Variants in SETBP1 observed in about 807,000 individuals in gnomAD.
SETBP1 encodes SET-binding protein.
A neutral mutation model predicts 101.0 loss-of-function variants in SETBP1; 9 were observed. The ratio of observed to expected loss-of-function variants is 0.09; its 90% CI spans 0.05 to 0.16. The LOEUF (loss-of-function observed/expected upper bound fraction) is 0.16, where lower values mean the gene tolerates loss of function less well. SETBP1 is among the 10% of genes least tolerant of loss of function. The pLI is 1.00. For synonymous variants in SETBP1, 818 were observed against 788.5 expected (o/e 1.04, Z -0.63); for missense variants, 1,858 against 2,033.8 (o/e 0.91, Z 1.66).
intron 2 of SETBP1, among the ~76,000 whole-genome samples, chr18:44,837,893 T>C (rs1241048660): frequency 6.6e-6 from 1 of 152,164 alleles, no homozygotes; most frequent in African/African-American, 2.4e-5. Flanking sequence ...TACAGAGACA[T>C]ATGCAAACAC....
intron 2 of SETBP1, among the ~76,000 whole-genome samples, chr18:44,824,604 G>T (rs533810533): frequency 6.6e-6 from 1 of 152,134 alleles, no homozygotes; most frequent in South Asian, 2.1e-4. Flanking sequence ...ACTGCCAGAG[G>T]TGTGTATCTT....
At chr18:45,049,229 AT>A (rs2073680662) in intron 5 of SETBP1, among the ~76,000 whole-genome samples, 1 of 152,192 alleles carries the variant, frequency 6.6e-6, no homozygotes, top group Non-Finnish European at 1.5e-5. Context: ...ACTTCTAAAG[AT>A]AAACTGAATT....
At chr18:45,029,327 T>G (rs545577298) in intron 4 of SETBP1, among the ~76,000 whole-genome samples, 5 of 152,000 alleles carry the variant, frequency 3.3e-5, no homozygotes, top group Non-Finnish European at 5.9e-5. Flanking sequence ...GTTGTAGATA[T>G]GCGGCATTAT....
intron 3 of SETBP1, among the ~76,000 whole-genome samples, chr18:44,909,254 A>T (rs985907171): frequency 6.6e-6 from 1 of 152,204 alleles, no homozygotes; most frequent in Non-Finnish European, 1.5e-5. Flanking sequence ...TTGTCTTCAG[A>T]GGCTGGTATC....
chr18:44,901,093 C>T (rs2070035126), intron 3 of SETBP1, among the ~76,000 whole-genome samples: 1 of 152,150 alleles, frequency 6.6e-6, no homozygotes, highest in Non-Finnish European at 1.5e-5. Flanking sequence ...TAATTTAACA[C>T]CCTGAGAAGA....
At chr18:44,980,489 A>C (rs1237008156) in intron 4 of SETBP1, among the ~76,000 whole-genome samples, 1 of 152,156 alleles carries the variant, frequency 6.6e-6, no homozygotes, top group African/African-American at 2.4e-5. Flanking sequence ...TGCTTTAAAA[A>C]AAAAAAAAAT....
intron 4 of SETBP1, among the ~76,000 whole-genome samples, chr18:45,011,830 T>C (rs1039986338): frequency 6.6e-6 from 1 of 152,168 alleles, no homozygotes; most frequent in Non-Finnish European, 1.5e-5. Flanking sequence ...AGATGAAAGA[T>C]GGAGATAATC....
At chr18:45,033,158 C>T (rs1246171063) in intron 4 of SETBP1, among the ~76,000 whole-genome samples, 1 of 152,132 alleles carries the variant, frequency 6.6e-6, no homozygotes, top group African/African-American at 2.4e-5. Context: ...AATAGACAAC[C>T]ATTATATTAG....
chr18:44,684,514 G>A (rs760725374), intron 1 of SETBP1, among the ~76,000 whole-genome samples: 6 of 151,592 alleles, frequency 4.0e-5, no homozygotes, highest in Admixed American at 1.3e-4. Flanking sequence ...TCACTGAGTT[G>A]AAGCTTCTGG....
chr18:44,838,424 TG>T (rs539344565), intron 2 of SETBP1, among the ~76,000 whole-genome samples: 50 of 152,300 alleles, frequency 3.3e-4, no homozygotes, highest in African/African-American at 1.2e-3. Flanking sequence ...TAGCCCTTAC[TG>T]TAATTCATGA....
intron 2 of SETBP1, among the ~76,000 whole-genome samples, chr18:44,818,328 G>A (rs1159177377): frequency 1.3e-5 from 2 of 152,206 alleles, no homozygotes; most frequent in Non-Finnish European, 1.5e-5. Flanking sequence ...GGACTTCAGA[G>A]TTCGTTGATC....
intron 2 of SETBP1, among the ~76,000 whole-genome samples, chr18:44,836,366 C>T (rs746630961): frequency 6.6e-5 from 10 of 152,068 alleles, no homozygotes; most frequent in Non-Finnish European, 1.0e-4. Flanking sequence ...GTTATTGCTG[C>T]CCAAGAAAAA....
At chr18:45,041,984 A>G (rs972057638) in intron 5 of SETBP1, among the ~76,000 whole-genome samples, 2 of 152,174 alleles carry the variant, frequency 1.3e-5, no homozygotes, top group East Asian at 3.9e-4. Flanking sequence ...TTTAAAAAAA[A>G]GAGTGGATGC....
intron 2 of SETBP1, among the ~76,000 whole-genome samples, chr18:44,720,678 G>C (rs747492581): frequency 2.0e-5 from 3 of 152,192 alleles, no homozygotes; most frequent in Non-Finnish European, 2.9e-5. Flanking sequence ...GGAGGAAGAA[G>C]CTTGAGTGGG....
At chr18:44,848,228 A>G (rs946641551) in intron 2 of SETBP1, among the ~76,000 whole-genome samples, 4 of 152,120 alleles carry the variant, frequency 2.6e-5, no homozygotes, top group African/African-American at 9.7e-5. Context: ...CAGGGGTGGG[A>G]AAGATGAGGT....
chr18:44,870,108 C>G (rs1456434835), intron 3 of SETBP1: 4 of 152,298 alleles, frequency 2.6e-5, no homozygotes, highest in Admixed American at 2.6e-4. Context: ...CAAGGTCTCA[C>G]AGTGCTGTAC....
chr18:45,032,583 G>T (rs2073318689), intron 4 of SETBP1, among the ~76,000 whole-genome samples: 1 of 152,106 alleles, frequency 6.6e-6, no homozygotes. Flanking sequence ...TGCTGATAGG[G>T]TCACCACCTC....
At chr18:44,869,129 C>G in intron 2 of SETBP1, 101 bp from the exon 3 acceptor site, 2 of 1,046,894 alleles carry the variant, frequency 1.9e-6, no homozygotes, top group East Asian at 2.4e-5. Context: ...TTCTGTAGCT[C>G]TCATCCAGGC....
At chr18:44,938,656 C>G (rs1057313490) in intron 3 of SETBP1, among the ~76,000 whole-genome samples, 4 of 152,200 alleles carry the variant, frequency 2.6e-5, no homozygotes, top group African/African-American at 9.6e-5. Context: ...TTCCTTACCT[C>G]GGAGGAAGGT....
Sources: gnomAD v4.1 joint callset for allele counts (sites outside exome capture counted in the v4.1 genomes callset) on GRCh38, gnomAD v4.1.1 for gene constraint, MANE v1.5 for transcripts, NCBI Gene and HGNC (gene_info 2026-07-23, HGNC 2026-07-21) for gene names.